The following NAA11 variants were observed in gnomAD, a reference collection of about 807,000 sequenced individuals.
The protein encoded by NAA11 is N-alpha-acetyltransferase 11.
Under a neutral mutation model 16.1 loss-of-function variants are expected in NAA11, and 15 were observed. That is an observed-to-expected ratio of 0.93 (90% CI 0.62 to 1.44). The LOEUF is 1.44. NAA11 is among the 40% of genes most tolerant of loss of function. NAA11 has a pLI of 0.00. For missense variants in NAA11, 298 were observed against 291.3 expected (o/e 1.02, Z -0.17); for synonymous variants, 122 against 112.4 (o/e 1.09, Z -0.54).
At chr4:79,167,999 C>T in the NAA11 span, among the ~76,000 whole-genome samples, 2 of 152,022 alleles carry the variant, frequency 1.3e-5, no homozygotes, top group African/African-American at 4.8e-5. Flanking sequence ...TTAGGTATTT[C>T]TCCTAATGTG....
chr4:79,256,206 T>C (rs779523012), intron 2 of NAA11, among the ~76,000 whole-genome samples: 7 of 152,244 alleles, frequency 4.6e-5, no homozygotes, highest in Non-Finnish European at 8.8e-5. Context: ...AATTATGAGA[T>C]ATTTTTACAA....
chr4:79,289,982 G>A (rs142813512), intron 2 of NAA11, among the ~76,000 whole-genome samples: 9 of 152,220 alleles, frequency 5.9e-5, no homozygotes, highest in African/African-American at 2.2e-4. Flanking sequence ...GGTAGAAAGC[G>A]ACCACCAGGC....
intron 1 of NAA11, 30 bp downstream of exon 1, chr4:79,325,146 G>C (rs750965930): frequency 1.3e-6 from 2 of 1,520,628 alleles, no homozygotes; most frequent in Admixed American, 4.1e-5. Context: ...TTTAGGAGAA[G>C]GGGGTACTGG....
the NAA11 span, among the ~76,000 whole-genome samples, chr4:79,214,596 G>A: frequency 1.3e-5 from 2 of 152,024 alleles, no homozygotes; most frequent in Non-Finnish European, 2.9e-5. Context: ...TCAGGAGATC[G>A]AGACCATCCT....
intron 2 of NAA11, among the ~76,000 whole-genome samples, chr4:79,252,102 A>G (rs751610141): frequency 6.6e-6 from 1 of 152,228 alleles, no homozygotes; most frequent in Non-Finnish European, 1.5e-5. Context: ...CAAATATTGC[A>G]TGTTCTCACT....
chr4:79,233,147 A>C (rs994341091), intron 2 of NAA11, among the ~76,000 whole-genome samples: 3 of 151,816 alleles, frequency 2.0e-5, no homozygotes, highest in Non-Finnish European at 4.4e-5. Flanking sequence ...ATGCCTTGAT[A>C]TTACTTGATG....
the NAA11 span, among the ~76,000 whole-genome samples, chr4:79,190,672 T>A: frequency 6.6e-6 from 1 of 152,140 alleles, no homozygotes; most frequent in Non-Finnish European, 1.5e-5. Flanking sequence ...TTAAATTTTT[T>A]AAGTTATTAT....
the NAA11 span, among the ~76,000 whole-genome samples, chr4:79,190,664 A>T: frequency 1.3e-5 from 2 of 152,018 alleles, no homozygotes; most frequent in African/African-American, 4.8e-5. Flanking sequence ...TTATTTTTTT[A>T]AATTTTTTAA....
the NAA11 span, among the ~76,000 whole-genome samples, chr4:79,214,549 C>T: frequency 3.3e-5 from 5 of 152,110 alleles, no homozygotes; most frequent in South Asian, 2.1e-4. Flanking sequence ...CCTGTAATAC[C>T]AGCACTTTGG....
the NAA11 span, among the ~76,000 whole-genome samples, chr4:79,207,945 G>T: frequency 6.6e-6 from 1 of 152,188 alleles, no homozygotes; most frequent in African/African-American, 2.4e-5. Context: ...CCTCAGTGTA[G>T]GTGGGTATCA....
intron 1 of NAA11, among the ~76,000 whole-genome samples, chr4:79,303,702 T>G (rs1723478282): frequency 6.6e-6 from 1 of 152,240 alleles, no homozygotes; most frequent in Non-Finnish European, 1.5e-5. Context: ...GGTAGTCTTT[T>G]GACTTGGGTA....
At chr4:79,253,281 G>C (rs1329633792) in intron 2 of NAA11, among the ~76,000 whole-genome samples, 1 of 152,170 alleles carries the variant, frequency 6.6e-6, no homozygotes, top group Non-Finnish European at 1.5e-5. Context: ...TATTCAAATA[G>C]AGTCATCAAA....
chr4:79,318,684 C>T (rs1724002713), intron 1 of NAA11, among the ~76,000 whole-genome samples: 1 of 152,140 alleles, frequency 6.6e-6, no homozygotes, highest in Non-Finnish European at 1.5e-5. Flanking sequence ...ACAAAAGAGA[C>T]ACAAGATATG....
the NAA11 span, among the ~76,000 whole-genome samples, chr4:79,198,356 C>T: frequency 2.6e-5 from 4 of 151,874 alleles, no homozygotes; most frequent in East Asian, 7.7e-4. Context: ...TTGTACTTTC[C>T]ATCTGAATTG....
the NAA11 span, among the ~76,000 whole-genome samples, chr4:79,208,200 C>T: frequency 1.5e-4 from 23 of 152,156 alleles, no homozygotes; most frequent in Admixed American, 7.9e-4. Flanking sequence ...TTTTTCCTCA[C>T]TTGGCCTCTC....
chr4:79,325,357 G>A lies in NAA11; in HGVS notation c.521C>T (p.Ser174Phe), dbSNP rs1204662533. 5 of 1,613,782 alleles carry A rather than the reference G, an allele frequency of 3.1e-6. No individual in the cohort carries two copies. Among genetic ancestry groups the A allele is most frequent in the Non-Finnish European group, 4.2e-6 (5 of 1,179,892 alleles). ...GCCCTGGGTCTCCTGGTTCTCCCTGGAGCCCAGGACCACATACCCGCCCTT... is the reference window on the plus strand; with the variant it reads ...GCCCTGGGTCTCCTGGTTCTCCCTGAAGCCCAGGACCACATACCCGCCCTT... ...LKKGGYVVLGSRENQETQGST... is the reference protein window; with the variant it reads ...LKKGGYVVLGFRENQETQGST... The change falls in exon 1 of 2, where the codon TCC becomes TTC. Residue 174 changes from serine to phenylalanine, a missense_variant. Coordinates refer to ENST00000286794, the MANE Select transcript of NAA11 (RefSeq NM_032693.3).
At chr4:79,164,534 C>T in the NAA11 span, among the ~76,000 whole-genome samples, 2 of 152,206 alleles carry the variant, frequency 1.3e-5, no homozygotes, top group African/African-American at 4.8e-5. Flanking sequence ...CTTTCACCCA[C>T]TTAGTTATCT....
At chr4:79,269,049 G>A (rs1722420028) in intron 2 of NAA11, among the ~76,000 whole-genome samples, 1 of 114,660 alleles carries the variant, frequency 8.7e-6, no homozygotes, top group Non-Finnish European at 1.8e-5. Context: ...TTTTATGGCT[G>A]CATAGTATTC....
At chr4:79,314,390 C>T (rs1297297963), downstream of NAA11, among the ~76,000 whole-genome samples, 4 of 151,974 alleles carry the variant, frequency 2.6e-5, no homozygotes, top group Non-Finnish European at 5.9e-5. Flanking sequence ...ACGCCTTGTA[C>T]TGATCAGTGA....
Sources: allele counts gnomAD v4.1 joint callset (sites outside exome capture counted in the v4.1 genomes callset), GRCh38; gene constraint gnomAD v4.1.1; transcripts MANE v1.5; gene names NCBI Gene and HGNC (gene_info 2026-07-23, HGNC 2026-07-21).